Variants in ITPR2 observed in about 807,000 individuals in gnomAD.
The protein encoded by ITPR2 is inositol 1,4,5-trisphosphate-gated calcium channel ITPR2.
Under a neutral mutation model 317.1 loss-of-function variants are expected in ITPR2, and 207 were observed. That is an observed-to-expected ratio of 0.65 (90% CI 0.58 to 0.73). The LOEUF (loss-of-function observed/expected upper bound fraction) is 0.73. ITPR2 is among the 30% of genes least tolerant of loss of function. ITPR2 has a pLI of 0.00. For synonymous variants in ITPR2, 1,156 were observed against 1,149.1 expected, an observed-to-expected ratio of 1.01 and a Z score of -0.12; for missense variants, 2,613 against 3,284.0, an observed-to-expected ratio of 0.80 and a Z score of 4.99.
At position 26,516,250 on chromosome 12, in the gene ITPR2, A is replaced by AGGAAGGGAAG. The variant is rs1565574406; in HGVS notation, c.5074-20991_5074-20990insCTTCCCTTCC. Among the ~76,000 whole-genome samples the AGGAAGGGAAG allele has an allele frequency of 4.3e-3, 150 of 34,648 alleles. 7 individuals carry two copies. Among genetic ancestry groups the AGGAAGGGAAG allele is most frequent in the South Asian group, 9.0e-3 (6 of 664 alleles). The allele number at this position is 34,648 out of a possible 152,430, so 22.7% of individuals were successfully genotyped here. A position where few individuals can be genotyped will look rare whatever the true frequency, so the allele number is the denominator to read the frequency against. On this transcript the variant is annotated intron_variant, in intron 37 of 56. Transcript: ENST00000381340. ...AGGAAAGGAAAGGAAAGGAAAGGAA[A>AGGAAGGGAAG]GGAAAGGAAAGGAAAGGAAAGGAAG...
intron 37 of ITPR2, among the ~76,000 whole-genome samples, chr12:26,516,590 GATTA>G (rs1357518254): frequency 6.6e-6 from 1 of 152,104 alleles, no homozygotes; most frequent in Non-Finnish European, 1.5e-5. Flanking sequence ...AGCACTCATG[GATTA>G]TACAAACAAA....
At chr12:26,789,469 T>A (rs1199929816) in intron 2 of ITPR2, among the ~76,000 whole-genome samples, 2 of 152,242 alleles carry the variant, frequency 1.3e-5, no homozygotes, top group South Asian at 4.1e-4. Context: ...TGAATGGTTA[T>A]ACATTGTTCA....
intron 43 of ITPR2, among the ~76,000 whole-genome samples, chr12:26,479,016 C>A (rs1565549573): frequency 6.6e-6 from 1 of 151,036 alleles, no homozygotes; most frequent in African/African-American, 2.4e-5. Flanking sequence ...TTAAAGTACC[C>A]TATGCAAGGA....
intron 37 of ITPR2, among the ~76,000 whole-genome samples, chr12:26,499,599 T>C (rs1345985499): frequency 6.6e-6 from 1 of 152,216 alleles, no homozygotes; most frequent in African/African-American, 2.4e-5. Flanking sequence ...GTAAGTGCTA[T>C]AAAAGTTGTA....
At position 26,627,902 on chromosome 12, in the gene ITPR2, C is replaced by T. The variant is rs887007340; in HGVS notation, c.3064+131G>A. 7 of 786,442 alleles carry T rather than the reference C, an allele frequency of 8.9e-6. No individual in the cohort carries two copies. In the African/African-American group the frequency reaches 1.2e-4, roughly 14 times the overall value. The allele number at this position is 786,442 out of a possible 1,614,324, so 48.7% of individuals were successfully genotyped here. Reference sequence around the variant, plus strand: ...AAATCTGCACGTTCTGCACATGTATCCCAGAACTTAAAGTATAATAAAAAA... The same window carrying T: ...AAATCTGCACGTTCTGCACATGTATTCCAGAACTTAAAGTATAATAAAAAA... On this transcript the variant is annotated intron_variant, in intron 23 of 56. Coordinates refer to ENST00000381340, the MANE Select transcript of ITPR2 (RefSeq NM_002223.4).
chr12:26,624,269 T>A, intron 24 of ITPR2, 30 bp downstream of exon 24: 1 of 1,432,458 alleles, frequency 7.0e-7, no homozygotes, highest in Non-Finnish European at 9.8e-7. Context: ...TATTCACAAG[T>A]AAGATAAAGA....
At chr12:26,505,846 C>T (rs1943170969) in intron 37 of ITPR2, among the ~76,000 whole-genome samples, 1 of 151,994 alleles carries the variant, frequency 6.6e-6, no homozygotes, top group African/African-American at 2.4e-5. Flanking sequence ...TGCTGAGTGC[C>T]AACCTATTCA....
intron 8 of ITPR2, 86 bp from the exon 9 acceptor site, chr12:26,711,354 T>A: frequency 1.1e-6 from 1 of 872,080 alleles, no homozygotes; most frequent in Non-Finnish European, 1.9e-6. Context: ...CCTGCCCTCC[T>A]GTTAATACTG....
intron 37 of ITPR2, among the ~76,000 whole-genome samples, chr12:26,514,077 T>C (rs1488304173): frequency 3.3e-5 from 5 of 152,246 alleles, no homozygotes; most frequent in African/African-American, 7.2e-5. Flanking sequence ...TTATAAACCA[T>C]AGACTGCATA....
intron 53 of ITPR2, 33 bp from the exon 54 acceptor site, chr12:26,399,074 G>T: frequency 6.7e-7 from 1 of 1,487,124 alleles, no homozygotes; most frequent in Non-Finnish European, 9.0e-7. Context: ...AATCACACTA[G>T]GCATAGTGAT....
rs73087256 is a variant in ITPR2 at position 26,550,237 on chromosome 12, A to T, written c.5073+10T>A. On this transcript the variant is annotated intron_variant, in intron 37 of 56. Transcript: ENST00000381340. ...TTATTTTTAAATAATAAAGTTTTTT[A>T]AAAAAATACCTCTTCCACAAAGCTG... 787 of 1,215,718 alleles carry T rather than the reference A, an allele frequency of 6.5e-4. No individual in the cohort carries two copies. Among genetic ancestry groups the T allele is most frequent in the Middle Eastern group, 2.6e-3 (10 of 3,848 alleles). 75.3% of individuals were successfully genotyped at this position (1,215,718 alleles called of 1,614,324 possible). A position where few individuals can be genotyped will look rare whatever the true frequency, so the allele number is the denominator to read the frequency against.
intron 52 of ITPR2, among the ~76,000 whole-genome samples, chr12:26,401,111 C>A (rs986691458): frequency 1.3e-5 from 2 of 152,014 alleles, no homozygotes; most frequent in African/African-American, 4.8e-5. Context: ...TGCCTGTAAT[C>A]CTAGCTACTA....
In ITPR2 at chr12:26,686,481, C is replaced by T. The variant is rs1369571509; in HGVS notation, c.1148G>A (p.Arg383Lys). 6 of 1,554,024 alleles carry T rather than the reference C, an allele frequency of 3.9e-6. No homozygotes were observed. Among genetic ancestry groups the T allele is most frequent in the Admixed American group, 1.9e-5 (1 of 52,398 alleles). The stretch of plus-strand genomic sequence containing the variant: ...ATCTTTTAACCATAATTTTTTTTAC[C>T]TTGGAACCAGGCAGTCAGCTCTCTG... The part of the protein sequence containing the change: ...TLQRADCLVP[R>K]NSYVRLRHLC... Residue 383 changes from arginine to lysine, a missense_variant and splice_region_variant, in exon 11 of 57, where the codon AGG (arginine) becomes AAG (lysine). Coordinates refer to ENST00000381340, the MANE Select transcript of ITPR2 (RefSeq NM_002223.4).
At chr12:26,713,401 G>A (rs190323375) in intron 8 of ITPR2, among the ~76,000 whole-genome samples, 11 of 152,176 alleles carry the variant, frequency 7.2e-5, no homozygotes, top group Admixed American at 2.6e-4. Context: ...GCCTACCACC[G>A]ATATAAACTG....
chr12:26,686,557 G>C lies in ITPR2; in HGVS notation c.1072C>G (p.Pro358Ala), dbSNP rs1948129979. 6.2e-7 allele frequency: 1 copy of C among 1,612,234 alleles called. No homozygotes were observed. The highest frequency in any genetic ancestry group is 8.5e-7 in the Non-Finnish European group (1 of 1,178,952). ...AGGGATGCAATGTCATTGCCATGCG[G>C]GACTGAAACCAAAGTATACATGATC... Reference protein sequence around the residue: ...EKIMYTLVSVPHGNDIASLFE... With the variant: ...EKIMYTLVSVAHGNDIASLFE... The change falls in exon 11 of 57, where the codon CCG (proline) becomes GCG (alanine). Residue 358 changes from proline to alanine, a missense_variant. Pro to Ala is a conservative substitution (Grantham distance 27). This residue lies in a region of ITPR2 where 515 missense variants were observed against 789.4 expected (regional missense o/e 0.65). Transcript: ENST00000381340.
At chr12:26,590,547 G>A (rs576371083) in intron 32 of ITPR2, among the ~76,000 whole-genome samples, 2 of 152,214 alleles carry the variant, frequency 1.3e-5, no homozygotes, top group South Asian at 2.1e-4. Flanking sequence ...TAAATAGTGC[G>A]AGGAAAACTG....
chr12:26,342,971 C>T (rs375130815), intron 55 of ITPR2, among the ~76,000 whole-genome samples: 5 of 151,890 alleles, frequency 3.3e-5, no homozygotes, highest in South Asian at 2.1e-4. Flanking sequence ...CATGAGAGTG[C>T]GATGTTATAA....
At chr12:26,778,206 C>A (rs1402994071) in intron 2 of ITPR2, among the ~76,000 whole-genome samples, 4 of 152,124 alleles carry the variant, frequency 2.6e-5, no homozygotes, top group Non-Finnish European at 5.9e-5. Flanking sequence ...CAAATGGAAG[C>A]CACTGAAGCT....
intron 46 of ITPR2, among the ~76,000 whole-genome samples, chr12:26,440,310 T>G (rs913328418): frequency 2.6e-5 from 4 of 152,156 alleles, no homozygotes; most frequent in Non-Finnish European, 5.9e-5. Context: ...TCTTTCTTCT[T>G]GCTTAGAACA....
Sources: gnomAD v4.1 joint callset for allele counts (sites outside exome capture counted in the v4.1 genomes callset) on GRCh38, gnomAD v4.1.1 for gene constraint, gnomAD v4.1.1 regional missense constraint, MANE v1.5 for transcripts, NCBI Gene and HGNC (gene_info 2026-07-23, HGNC 2026-07-21) for gene names.